The following MACROD2 variants were observed in gnomAD, a reference collection of about 807,000 sequenced individuals.
The protein encoded by MACROD2 is mono-ADP ribosylhydrolase 2, also known as ADP-ribose glycohydrolase MACROD2.
In MACROD2, 36 loss-of-function variants were observed where a neutral mutation model predicts 70.4. The ratio of observed to expected loss-of-function variants is 0.51; its 90% CI spans 0.39 to 0.68. MACROD2 has a LOEUF of 0.68. Among genes scored for constraint, MACROD2 ranks in the 30% least tolerant of loss-of-function variants. MACROD2 has a pLI of 0.00. For synonymous variants in MACROD2, 172 were observed against 178.8 expected, an observed-to-expected ratio of 0.96 and a Z score of 0.30; for missense variants, 496 against 538.4, an observed-to-expected ratio of 0.92 and a Z score of 0.78.
intron 8 of MACROD2, among the ~76,000 whole-genome samples, chr20:15,638,124 G>A (rs1002512388): frequency 2.0e-5 from 3 of 152,112 alleles, no homozygotes; most frequent in Admixed American, 6.5e-5. Context: ...ATGCCACCTG[G>A]CTGCAAAACA....
intron 2 of MACROD2, among the ~76,000 whole-genome samples, chr20:14,035,706 A>G (rs2053298708): frequency 6.6e-6 from 1 of 152,220 alleles, no homozygotes; most frequent in African/African-American, 2.4e-5. Context: ...TATATGGTTC[A>G]TCAGCATAAT....
intron 3 of MACROD2, among the ~76,000 whole-genome samples, chr20:14,115,631 T>C (rs2054504451): frequency 6.6e-6 from 1 of 152,190 alleles, no homozygotes; most frequent in Non-Finnish European, 1.5e-5. Context: ...ACAGAGGCAG[T>C]ATCATTGAAA....
intron 6 of MACROD2, among the ~76,000 whole-genome samples, chr20:15,295,704 C>T (rs960758086): frequency 6.6e-6 from 1 of 152,034 alleles, no homozygotes; most frequent in African/African-American, 2.4e-5. Flanking sequence ...CTCACACCCC[C>T]CAACTCACCA....
chr20:14,966,769 A>T (rs2074640889), intron 5 of MACROD2, among the ~76,000 whole-genome samples: 1 of 152,206 alleles, frequency 6.6e-6, no homozygotes, highest in Non-Finnish European at 1.5e-5. Context: ...GTTGTTGCAT[A>T]TACAAACAAT....
intron 3 of MACROD2, among the ~76,000 whole-genome samples, chr20:14,199,110 CA>C (rs1283078952): frequency 6.6e-6 from 1 of 152,016 alleles, no homozygotes; most frequent in Non-Finnish European, 1.5e-5. Context: ...AGCTTATCTT[CA>C]GGGAGAATGT....
At chr20:14,617,732 T>C (rs1983563012) in intron 4 of MACROD2, among the ~76,000 whole-genome samples, 1 of 152,160 alleles carries the variant, frequency 6.6e-6, no homozygotes, top group African/African-American at 2.4e-5. Flanking sequence ...CTACTTTCCT[T>C]ACTCAGTAAG....
intron 3 of MACROD2, among the ~76,000 whole-genome samples, chr20:14,236,459 G>A (rs888475464): frequency 7.3e-5 from 11 of 151,724 alleles, no homozygotes; most frequent in African/African-American, 1.9e-4. Context: ...ATACCTTGTA[G>A]TAGTCTTGCT....
intron 15 of MACROD2, among the ~76,000 whole-genome samples, chr20:15,998,382 C>T (rs1428196676): frequency 2.6e-5 from 4 of 152,178 alleles, no homozygotes; most frequent in East Asian, 3.9e-4. Context: ...TTCAGATATT[C>T]TGTTTCTTCG....
chr20:14,071,405 C>A (rs1241246186), intron 2 of MACROD2, among the ~76,000 whole-genome samples: 3 of 151,628 alleles, frequency 2.0e-5, no homozygotes, highest in African/African-American at 4.8e-5. Flanking sequence ...GGACTACAGG[C>A]ACCTACCACC....
chr20:15,024,098 T>C (rs2075211292), intron 5 of MACROD2, among the ~76,000 whole-genome samples: 1 of 152,158 alleles, frequency 6.6e-6, no homozygotes, highest in Non-Finnish European at 1.5e-5. Context: ...TGGATACCTT[T>C]ATTGCTGATA....
chr20:14,138,830 GT>G (rs2054834648), intron 3 of MACROD2, among the ~76,000 whole-genome samples: 1 of 151,376 alleles, frequency 6.6e-6, no homozygotes, highest in African/African-American at 2.4e-5. Flanking sequence ...GATTACGGAT[GT>G]GCTAATTAGT....
At chr20:15,637,307 A>T (rs891185180) in intron 8 of MACROD2, among the ~76,000 whole-genome samples, 29 of 152,258 alleles carry the variant, frequency 1.9e-4, no homozygotes, top group Non-Finnish European at 4.3e-4. Context: ...AAATCAAATC[A>T]TTCAACCCAT....
At chr20:15,486,088 A>G (rs1347759904) in intron 7 of MACROD2, among the ~76,000 whole-genome samples, 1 of 152,138 alleles carries the variant, frequency 6.6e-6, no homozygotes, top group Non-Finnish European at 1.5e-5. Context: ...TAATTTCTTC[A>G]GAGGTTTGGC....
chr20:15,076,853 C>G (rs530702536), intron 5 of MACROD2, among the ~76,000 whole-genome samples: 3 of 152,154 alleles, frequency 2.0e-5, no homozygotes, highest in Admixed American at 2.0e-4. Context: ...AGGAAGAAAT[C>G]AAAGAGTAAA....
chr20:15,696,102 G>A (rs2050365304), intron 8 of MACROD2, among the ~76,000 whole-genome samples: 1 of 152,030 alleles, frequency 6.6e-6, no homozygotes, highest in South Asian at 2.1e-4. Context: ...GGTGAGAGTG[G>A]GCATCCTTGT....
At chr20:14,451,714 C>G (rs1460133464) in intron 3 of MACROD2, among the ~76,000 whole-genome samples, 7 of 152,176 alleles carry the variant, frequency 4.6e-5, no homozygotes, top group Non-Finnish European at 8.8e-5. Flanking sequence ...CCAGGCAGAG[C>G]AATGCAGGCA....
At chr20:15,282,625 T>C (rs891224359) in intron 6 of MACROD2, among the ~76,000 whole-genome samples, 2 of 152,210 alleles carry the variant, frequency 1.3e-5, no homozygotes, top group African/African-American at 4.8e-5. Context: ...CCCAAAAAGT[T>C]ACTCATTTCC....
intron 3 of MACROD2, chr20:14,328,849 C>T (rs1286292458): frequency 6.6e-6 from 1 of 151,980 alleles, no homozygotes; most frequent in Non-Finnish European, 1.5e-5. Context: ...GGACACATGG[C>T]TTCCTATGTA....
chr20:15,272,104 G>A (rs1400102037), intron 6 of MACROD2, among the ~76,000 whole-genome samples: 1 of 152,098 alleles, frequency 6.6e-6, no homozygotes, highest in Non-Finnish European at 1.5e-5. Context: ...TTTAACCTTT[G>A]TATTCTTTAA....
Sources: gnomAD v4.1 joint callset for allele counts (sites outside exome capture counted in the v4.1 genomes callset) on GRCh38, gnomAD v4.1.1 for gene constraint, MANE v1.5 for transcripts, NCBI Gene and HGNC (gene_info 2026-07-23, HGNC 2026-07-21) for gene names.